The following ARL15 variants were observed in gnomAD, a reference collection of about 807,000 sequenced individuals.
ARL15 encodes the protein ADP-ribosylation factor-like protein 15.
In ARL15, 19 loss-of-function variants were observed where a neutral mutation model predicts 25.2. The observed-to-expected ratio is 0.75, with a 90% CI of 0.53 to 1.10. ARL15 has a LOEUF of 1.10. ARL15 is among the 50% of genes least tolerant of loss of function. The pLI, the probability that ARL15 is intolerant of heterozygous loss-of-function variation, is 0.00. For synonymous variants in ARL15, 94 were observed against 86.8 expected, an observed-to-expected ratio of 1.08 and a Z score of -0.46; for missense variants, 220 against 246.0, an observed-to-expected ratio of 0.89 and a Z score of 0.71.
At chr5:54,189,062 C>A (rs192782131) in intron 1 of ARL15, among the ~76,000 whole-genome samples, 69 of 152,096 alleles carry the variant, frequency 4.5e-4, no homozygotes, top group Non-Finnish European at 7.8e-4. Flanking sequence ...AAAATAATTC[C>A]ATTTATAATA....
At chr5:53,931,228 C>T (rs1490194294) in intron 4 of ARL15, among the ~76,000 whole-genome samples, 1 of 152,088 alleles carries the variant, frequency 6.6e-6, no homozygotes, top group Non-Finnish European at 1.5e-5. Context: ...TTCCTCCAAC[C>T]AGGGTCGCTG....
At chr5:54,290,461 C>G (rs1758295193) in intron 1 of ARL15, among the ~76,000 whole-genome samples, 1 of 151,962 alleles carries the variant, frequency 6.6e-6, no homozygotes, top group Non-Finnish European at 1.5e-5. Flanking sequence ...GTGAGTGCCA[C>G]CACGTCCAGC....
chr5:54,016,862 C>A lies in ARL15; in HGVS notation c.462+96340G>T, dbSNP rs191509596. 5.2e-3 allele frequency among the ~76,000 whole-genome samples: 789 copies of A among 152,308 alleles called. 3 individuals are homozygous for A. Among genetic ancestry groups the A allele is most frequent in the Admixed American group, 0.011 (166 of 15,298 alleles). Reference sequence around the variant, plus strand: ...TCAAAATATATTCTACCATCTTATGCATATACTGTCATCTATTTCCCTCCC... The same window carrying A: ...TCAAAATATATTCTACCATCTTATGAATATACTGTCATCTATTTCCCTCCC... On this transcript the variant is annotated intron_variant, in intron 4 of 4. Transcript: ENST00000504924.
rs143209606 is a variant in ARL15, at chr5:54,261,201, G to A, written c.48+49231C>T. ...ATTGCCTGCCACATCCATCCTATGG[G>A]AAGATACCAGGACTATGATATTCTA... On this transcript the variant is annotated intron_variant, in intron 1 of 4. Transcript: ENST00000504924. 9.2e-4 allele frequency among the ~76,000 whole-genome samples: 140 copies of A among 152,234 alleles called. 1 individual carries two copies. The Middle Eastern group carries it at 0.01, about 11-fold the overall frequency.
chr5:53,982,211 TG>T (rs1748143742), intron 4 of ARL15, among the ~76,000 whole-genome samples: 1 of 151,462 alleles, frequency 6.6e-6, no homozygotes, highest in Non-Finnish European at 1.5e-5. Flanking sequence ...CTTTAAGTTC[TG>T]GGATACATAC....
chr5:54,199,986 C>A (rs540205450), intron 1 of ARL15, among the ~76,000 whole-genome samples: 1 of 151,064 alleles, frequency 6.6e-6, no homozygotes, highest in Non-Finnish European at 1.5e-5. Context: ...GAGTTCATGT[C>A]CTTTGTAGGA....
At chr5:54,160,434 T>C (rs1754369691) in intron 2 of ARL15, among the ~76,000 whole-genome samples, 2 of 152,190 alleles carry the variant, frequency 1.3e-5, no homozygotes, top group African/African-American at 4.8e-5. Context: ...CTCTAGGTTA[T>C]TCTCCATGTA....
intron 4 of ARL15, among the ~76,000 whole-genome samples, chr5:54,100,147 T>G (rs1010630161): frequency 2.6e-5 from 4 of 152,098 alleles, no homozygotes; most frequent in Non-Finnish European, 5.9e-5. Flanking sequence ...ACCAGAACAT[T>G]TTTTAAAAAG....
At chr5:53,925,144 GC>G (rs1387393418) in intron 4 of ARL15, among the ~76,000 whole-genome samples, 18 of 150,840 alleles carry the variant, frequency 1.2e-4, no homozygotes, top group Non-Finnish European at 2.4e-4. Flanking sequence ...TGTTTCTTGT[GC>G]TACTTCCTAA....
intron 4 of ARL15, among the ~76,000 whole-genome samples, chr5:54,078,457 A>C (rs1751681850): frequency 6.6e-6 from 1 of 152,232 alleles, no homozygotes; most frequent in Non-Finnish European, 1.5e-5. Context: ...CAGGAAGCTC[A>C]GTAACTCCTT....
intron 1 of ARL15, among the ~76,000 whole-genome samples, chr5:54,268,466 T>C (rs1437773996): frequency 6.6e-6 from 1 of 152,244 alleles, no homozygotes; most frequent in Non-Finnish European, 1.5e-5. Flanking sequence ...TTCTCTCAAC[T>C]TGTCAAAGTC....
At chr5:54,035,079 T>C (rs1013477458) in intron 4 of ARL15, among the ~76,000 whole-genome samples, 4 of 151,678 alleles carry the variant, frequency 2.6e-5, no homozygotes, top group Non-Finnish European at 5.9e-5. Context: ...GCAAGACAAA[T>C]ATAGCAAATG....
chr5:53,991,031 TCTCA>T (rs1457260224), intron 4 of ARL15, among the ~76,000 whole-genome samples: 1 of 152,174 alleles, frequency 6.6e-6, no homozygotes, highest in Non-Finnish European at 1.5e-5. Context: ...GTCTAATTCC[TCTCA>T]CTCCCTACCC....
intron 1 of ARL15, among the ~76,000 whole-genome samples, chr5:54,221,929 G>A (rs193136709): frequency 1.3e-5 from 2 of 151,416 alleles, no homozygotes; most frequent in East Asian, 3.9e-4. Flanking sequence ...ACAGTTTTTC[G>A]TTTGGAACAT....
At position 54,061,332 on chromosome 5, in the gene ARL15, G is replaced by A. The variant is rs1185378692; in HGVS notation, c.462+51870C>T. On this transcript the variant is annotated intron_variant, in intron 4 of 4. Coordinates refer to ENST00000504924, the MANE Select transcript of ARL15 (RefSeq NM_019087.3). ...AAGTCAAGAATTGAAGTTTGGGGCT[G>A]GACATGGTGGCTCACACCTGTAATC... 9.9e-5 allele frequency among the ~76,000 whole-genome samples: 15 copies of A among 152,176 alleles called. 1 individual carries two copies. The highest frequency in any genetic ancestry group is 9.8e-4 in the Admixed American group (15 of 15,272).
chr5:54,205,921 T>TA lies in ARL15; in HGVS notation c.49-33994dup, dbSNP rs1204462092. On this transcript the variant is annotated intron_variant, in intron 1 of 4. Transcript: ENST00000504924. Reference sequence around the variant, plus strand: ...AAAGACATGAACACTGTTTAATACTTAAAAAGTATCTAGTGGAACAGACTA... The same window carrying TA: ...AAAGACATGAACACTGTTTAATACTTAAAAAAGTATCTAGTGGAACAGACTA... 2.0e-5 allele frequency among the ~76,000 whole-genome samples: 3 copies of TA among 152,282 alleles called. No homozygotes were observed. The East Asian group carries it at 5.8e-4, about 29-fold the overall frequency.
At chr5:54,107,382 GGAATCC>G (rs1752622907) in intron 4 of ARL15, among the ~76,000 whole-genome samples, 1 of 152,070 alleles carries the variant, frequency 6.6e-6, no homozygotes, top group African/African-American at 2.4e-5. Flanking sequence ...TGAAGAAAAA[GGAATCC>G]GATGCACATT....
chr5:54,196,643 G>T (rs961261651), intron 1 of ARL15, among the ~76,000 whole-genome samples: 1 of 151,666 alleles, frequency 6.6e-6, no homozygotes, highest in African/African-American at 2.4e-5. Context: ...TTCTCGGTGT[G>T]GGTAGAACAG....
chr5:53,972,691 T>C (rs1473239184), intron 4 of ARL15, among the ~76,000 whole-genome samples: 1 of 152,240 alleles, frequency 6.6e-6, no homozygotes, highest in Non-Finnish European at 1.5e-5. Flanking sequence ...CTTATTATTA[T>C]ACAGGTTTAC....
Sources: gnomAD v4.1 joint callset for allele counts (sites outside exome capture counted in the v4.1 genomes callset) on GRCh38, gnomAD v4.1.1 for gene constraint, MANE v1.5 for transcripts, NCBI Gene and HGNC (gene_info 2026-07-23, HGNC 2026-07-21) for gene names.